STK17A: variants seen among roughly 807,000 people sequenced by gnomAD.
STK17A encodes serine/threonine-protein kinase 17A.
A neutral mutation model predicts 43.7 loss-of-function variants in STK17A; 26 were observed. The ratio of observed to expected loss-of-function variants is 0.60; its 90% CI spans 0.44 to 0.83. STK17A has a LOEUF of 0.83. Ranked by LOEUF, STK17A falls within the 40% of genes least tolerant of loss-of-function variation. STK17A has a pLI of 0.00. For missense variants in STK17A, 476 were observed against 511.6 expected (o/e 0.93, Z 0.67); for synonymous variants, 191 against 182.5 (o/e 1.05, Z -0.38).
Position 43,585,897 on chromosome 7 carries a change from C to T in STK17A, c.206+2448C>T, listed in dbSNP as rs1218502586. Among the ~76,000 whole-genome samples the T allele has an allele frequency of 2.0e-5, 3 of 151,580 alleles. No individual in the cohort carries two copies. In the East Asian group the frequency reaches 5.8e-4, roughly 29 times the overall value. ...ACAATCTCAAAAAATGCCTCTATGT[C>T]TGGCAAAAGTAATGAAGTCACAGGA... On this transcript the variant is annotated intron_variant, in intron 1 of 6. Transcript: ENST00000319357.
chr7:43,597,535 AC>A (rs1008226255), intron 2 of STK17A, among the ~76,000 whole-genome samples: 2 of 151,936 alleles, frequency 1.3e-5, no homozygotes, highest in African/African-American at 4.8e-5. Context: ...GCATCCGTCC[AC>A]CTTTATGCCT....
chr7:43,621,355 G>A (rs2083866427), intron 4 of STK17A, among the ~76,000 whole-genome samples: 1 of 152,222 alleles, frequency 6.6e-6, no homozygotes, highest in Non-Finnish European at 1.5e-5. Flanking sequence ...AAGTGTTTTA[G>A]CCAAATTTAA....
At chr7:43,615,987 A>G (rs554220599) in intron 3 of STK17A, among the ~76,000 whole-genome samples, 1 of 152,270 alleles carries the variant, frequency 6.6e-6, no homozygotes, top group Non-Finnish European at 1.5e-5. Flanking sequence ...TGAGTTCCCC[A>G]TAGTGCTTAA....
At chr7:43,589,279 C>G (rs1204145168) in intron 1 of STK17A, among the ~76,000 whole-genome samples, 2 of 151,480 alleles carry the variant, frequency 1.3e-5, no homozygotes. Flanking sequence ...GTCCCTGAAA[C>G]TCACAGTCCA....
Position 43,626,555 on chromosome 7 carries a change from T to G in STK17A, c.*1713T>G, listed in dbSNP as rs1346181373. On this transcript the variant is annotated 3_prime_UTR_variant, in exon 7 of 7. Transcript: ENST00000319357. ...TGTGCCACAGTGATAGAGTTTTTAA[T>G]GAATATCCATGGCCACAGTTTTGAG... 6.6e-6 allele frequency: 1 copy of G among 152,204 alleles called. No individual in the cohort carries two copies. The highest frequency in any genetic ancestry group is 2.4e-5 in the African/African-American group (1 of 41,436). 9.4% of individuals were successfully genotyped at this position (152,204 alleles called of 1,614,324 possible). A position where few individuals can be genotyped will look rare whatever the true frequency, so the allele number is the denominator to read the frequency against.
chr7:43,585,090 G>C (rs1050428983), intron 1 of STK17A, among the ~76,000 whole-genome samples: 1 of 152,044 alleles, frequency 6.6e-6, no homozygotes, highest in African/African-American at 2.4e-5. Context: ...CCAGCTACTC[G>C]TGAGGCTGAG....
intron 3 of STK17A, among the ~76,000 whole-genome samples, chr7:43,610,933 A>G (rs1336911626): frequency 6.6e-6 from 1 of 152,140 alleles, no homozygotes; most frequent in Admixed American, 6.5e-5. Flanking sequence ...CCTAGCCAAC[A>G]TGGTGAAACC....
In STK17A at chr7:43,596,128, T is replaced by A; in HGVS notation, c.419+15T>A. 1 of 1,595,678 alleles carries A rather than the reference T, an allele frequency of 6.3e-7. No homozygotes were observed. On this transcript the variant is annotated intron_variant, in intron 2 of 6. Coordinates refer to ENST00000319357, the MANE Select transcript of STK17A (RefSeq NM_004760.3). ...GTTCTGGAATAGTAAGTATTGTCTT[T>A]CTTAGATTAAGTTTGTTTGGTAGTC...
chr7:43,618,650 A>T (rs1268823617), intron 3 of STK17A, among the ~76,000 whole-genome samples: 1 of 152,136 alleles, frequency 6.6e-6, no homozygotes, highest in Non-Finnish European at 1.5e-5. Context: ...AATTTAATGA[A>T]TTTTACATTC....
In STK17A at chr7:43,608,361, CT is replaced by C. The variant is rs781089301; in HGVS notation, c.530del (p.Leu177TyrfsTer6). The C allele has an allele frequency of 9.0e-5, 146 of 1,613,760 alleles. No individual in the cohort carries two copies. The highest frequency in any genetic ancestry group is 8.1e-5 in the Non-Finnish European group (95 of 1,179,954). On this transcript the variant is annotated frameshift_variant, in exon 3 of 7. Transcript: ENST00000319357. LOFTEE classifies it high-confidence loss of function. ...LMRQILEGVHFLHTRDVVHLD... is the reference protein window; with the variant it reads ...LMRQILEGVHXLHTRDVVHLD... ...TGCGACAGATTTTAGAAGGTGTTCA[CT>C]TTTTACACACTCGTGATGTAGTTCA...
rs1563175623 is a variant in STK17A, at chr7:43,626,239, C to CGAA, written c.*1397_*1398insGAA. 2.0e-5 allele frequency: 3 copies of CGAA among 152,188 alleles called. No individual in the cohort carries two copies. Among genetic ancestry groups the CGAA allele is most frequent in the Non-Finnish European group, 4.4e-5 (3 of 68,036 alleles). The allele number at this position is 152,188 out of a possible 1,614,324, so 9.4% of individuals were successfully genotyped here. ...AAGCTCTCTCCCTAACATGGTTTCT[C>CGAA]AACTGTCAAAATCATGAAAATGACA... On this transcript the variant is annotated 3_prime_UTR_variant, in exon 7 of 7. Transcript: ENST00000319357.
Position 43,595,921 on chromosome 7 carries a change from G to GA in STK17A, c.231dup (p.Cys78MetfsTer31). The GA allele has an allele frequency of 6.2e-7, 1 of 1,613,542 alleles. No homozygotes were observed. Among genetic ancestry groups the GA allele is most frequent in the Middle Eastern group, 1.7e-4 (1 of 6,040 alleles). On this transcript the variant is annotated frameshift_variant, in exon 2 of 7. Coordinates refer to ENST00000319357, the MANE Select transcript of STK17A (RefSeq NM_004760.3). LOFTEE classifies it high-confidence loss of function. ...TCTAGGGGGAAATTTGCAGTGGTGA[G>GA]AAAATGTATAAAGAAAGATTCTGGG...
At chr7:43,603,916 C>T (rs1283595590) in intron 2 of STK17A, among the ~76,000 whole-genome samples, 5 of 152,112 alleles carry the variant, frequency 3.3e-5, no homozygotes, top group Non-Finnish European at 5.9e-5. Flanking sequence ...TGGGTCCCCT[C>T]CCCCAATATA....
intron 2 of STK17A, among the ~76,000 whole-genome samples, chr7:43,606,609 T>C (rs1045790782): frequency 1.8e-4 from 28 of 152,298 alleles, no homozygotes; most frequent in East Asian, 5.8e-4. Context: ...TAGTTAAAGA[T>C]AGAAAAAGCA....
At chr7:43,611,711 A>C (rs2082895641) in intron 3 of STK17A, among the ~76,000 whole-genome samples, 1 of 152,182 alleles carries the variant, frequency 6.6e-6, no homozygotes, top group African/African-American at 2.4e-5. Context: ...TTCCCAAAAT[A>C]AATGTTTATG....
In STK17A at chr7:43,623,635, T is replaced by A; in HGVS notation, c.740+15T>A. ...ACAGATATGTGGTAAGAGTTATTAATGAAAAATTGATCAAATTAGTTTCAA... is the reference window on the plus strand; with the variant it reads ...ACAGATATGTGGTAAGAGTTATTAAAGAAAAATTGATCAAATTAGTTTCAA... On this transcript the variant is annotated intron_variant, in intron 5 of 6. Transcript: ENST00000319357. 1 of 1,608,572 alleles carries A rather than the reference T, an allele frequency of 6.2e-7. No homozygotes were observed. The highest frequency in any genetic ancestry group is 8.5e-7 in the Non-Finnish European group (1 of 1,178,286).
intron 2 of STK17A, among the ~76,000 whole-genome samples, chr7:43,601,090 G>A (rs1361343064): frequency 6.6e-6 from 1 of 152,136 alleles, no homozygotes; most frequent in Non-Finnish European, 1.5e-5. Flanking sequence ...TAAATATATT[G>A]TCAAAGATTT....
chr7:43,606,748 C>G (rs1316441017), intron 2 of STK17A, among the ~76,000 whole-genome samples: 1 of 151,764 alleles, frequency 6.6e-6, no homozygotes, highest in Non-Finnish European at 1.5e-5. Flanking sequence ...TTAGTGAGAT[C>G]ACATTTAGTG....
chr7:43,587,062 CAT>C (rs952723514), intron 1 of STK17A, among the ~76,000 whole-genome samples: 30 of 151,150 alleles, frequency 2.0e-4, no homozygotes, highest in African/African-American at 5.8e-4. Context: ...TTACACCACA[CAT>C]GTTTTTCAAA....
Sources: allele counts gnomAD v4.1 joint callset (sites outside exome capture counted in the v4.1 genomes callset), GRCh38; gene constraint gnomAD v4.1.1; transcripts MANE v1.5; gene names NCBI Gene and HGNC (gene_info 2026-07-23, HGNC 2026-07-21).